Variants in MYO16 observed in about 807,000 individuals in gnomAD.
MYO16 encodes the protein unconventional myosin-XVI.
MYO16 carries 94 observed loss-of-function variants against 205.3 expected under a neutral mutation model. The observed-to-expected ratio is 0.46, with a 90% confidence interval of 0.39 to 0.54. MYO16 has a LOEUF of 0.54. MYO16 is among the 20% of genes least tolerant of loss of function. MYO16 has a pLI of 0.00. For missense variants in MYO16, 2,315 were observed against 2,387.5 expected (o/e 0.97, Z 0.63); for synonymous variants, 988 against 954.0 (o/e 1.04, Z -0.66).
the MYO16 span, among the ~76,000 whole-genome samples, chr13:108,499,822 T>C: frequency 2.6e-5 from 4 of 152,240 alleles, no homozygotes; most frequent in African/African-American, 9.6e-5. Context: ...GACTTGTTCT[T>C]TGTAATTTCT....
chr13:108,836,449 C>T (rs388175), intron 9 of MYO16, among the ~76,000 whole-genome samples: 2,130 of 152,336 alleles, frequency 0.014, 59 homozygotes, highest in African/African-American at 0.048. Flanking sequence ...GGAGCCTCCA[C>T]ACAGAGTCCC....
In MYO16 at chr13:108,919,746, G is replaced by C. The variant is rs943653178; in HGVS notation, c.1925+9596G>C. Reference sequence around the variant, plus strand: ...GAGTAAATAAAATTATGAATTTAAGGCATGTTGGTCTACGTCCTTGATTGC... The same window carrying C: ...GAGTAAATAAAATTATGAATTTAAGCCATGTTGGTCTACGTCCTTGATTGC... On this transcript the variant is annotated intron_variant, in intron 16 of 34. Coordinates refer to ENST00000457511, the MANE Select transcript of MYO16 (RefSeq NM_001198950.3). Among the ~76,000 whole-genome samples the C allele has an allele frequency of 2.0e-5, 3 of 152,144 alleles. No homozygotes were observed. The South Asian group carries it at 6.2e-4, about 32-fold the overall frequency.
chr13:108,789,166 C>T (rs1224861085), intron 5 of MYO16, among the ~76,000 whole-genome samples: 1 of 152,136 alleles, frequency 6.6e-6, no homozygotes, highest in Non-Finnish European at 1.5e-5. Context: ...GTGTTATTGT[C>T]CTTTCACTGT....
At chr13:108,659,309 A>G (rs569616854) in intron 1 of MYO16, 3 of 270,994 alleles carry the variant, frequency 1.1e-5, no homozygotes, top group African/African-American at 2.3e-5. Context: ...TTATATACAT[A>G]TATAATACAC....
At chr13:108,496,663 C>T in the MYO16 span, among the ~76,000 whole-genome samples, 2 of 152,168 alleles carry the variant, frequency 1.3e-5, no homozygotes, top group African/African-American at 2.4e-5. Flanking sequence ...GAAATGGAGA[C>T]GATTTCCGTC....
chr13:108,583,545 T>A, the MYO16 span, among the ~76,000 whole-genome samples: 1 of 152,196 alleles, frequency 6.6e-6, no homozygotes, highest in Non-Finnish European at 1.5e-5. Flanking sequence ...TATAATCCAG[T>A]GATATACTAT....
chr13:108,970,120 AT>A (rs1173411632), intron 20 of MYO16, among the ~76,000 whole-genome samples: 2 of 152,220 alleles, frequency 1.3e-5, no homozygotes, highest in South Asian at 2.1e-4. Flanking sequence ...ATTATGGATA[AT>A]ATTATGGTGG....
At chr13:108,498,725 A>C in the MYO16 span, among the ~76,000 whole-genome samples, 1 of 152,222 alleles carries the variant, frequency 6.6e-6, no homozygotes, top group Admixed American at 6.5e-5. Context: ...CCACTGAGGC[A>C]AGGAAGGACA....
At chr13:108,858,864 CACCCT>C (rs1217423486) in intron 11 of MYO16, among the ~76,000 whole-genome samples, 1 of 152,146 alleles carries the variant, frequency 6.6e-6, no homozygotes, top group Non-Finnish European at 1.5e-5. Context: ...CAGATGCTGG[CACCCT>C]ACCCTGGGTG....
intron 14 of MYO16, among the ~76,000 whole-genome samples, chr13:108,895,035 C>T (rs909211653): frequency 2.0e-5 from 3 of 152,092 alleles, no homozygotes; most frequent in Admixed American, 6.6e-5. Flanking sequence ...ATTCACTATG[C>T]AATAGCTTTC....
upstream of MYO16, among the ~76,000 whole-genome samples, chr13:108,593,133 T>A (rs889731056): frequency 6.6e-6 from 1 of 152,078 alleles, no homozygotes; most frequent in Non-Finnish European, 1.5e-5. Flanking sequence ...TTGAAAGCGA[T>A]GAGTAAATGA....
chr13:109,023,413 CAGATATAAATATATATTTATATATTA>C (rs1886189064), intron 23 of MYO16, among the ~76,000 whole-genome samples: 3 of 73,454 alleles, frequency 4.1e-5, no homozygotes, highest in Non-Finnish European at 7.0e-5. Flanking sequence ...ATATATTATA[CAGATATAAATATATATTTATATATTA>C]TACAGATATA....
intron 28 of MYO16, among the ~76,000 whole-genome samples, chr13:109,102,553 G>A (rs1594088035): frequency 6.6e-6 from 1 of 151,818 alleles, no homozygotes; most frequent in South Asian, 2.1e-4. Flanking sequence ...GTGTATGAGG[G>A]AGAGAGAGAG....
chr13:108,933,799 T>G (rs1882365158), intron 16 of MYO16, among the ~76,000 whole-genome samples: 1 of 152,156 alleles, frequency 6.6e-6, no homozygotes, highest in Admixed American at 6.5e-5. Flanking sequence ...TTGCCATTTT[T>G]ATTTCCATGA....
chr13:108,531,746 G>A, the MYO16 span, among the ~76,000 whole-genome samples: 1 of 152,062 alleles, frequency 6.6e-6, no homozygotes, highest in South Asian at 2.1e-4. Context: ...AGAAGTCACT[G>A]GCTAACAATT....
the MYO16 span, among the ~76,000 whole-genome samples, chr13:108,510,461 G>GTTTTTTTTTTTTTTTTTTTTTTTT: frequency 2.2e-5 from 1 of 45,924 alleles, no homozygotes; most frequent in African/African-American, 1.0e-4. Flanking sequence ...ATTGATAGCT[G>GTTTTTTTTTTTTTTTTTTTTTTTT]TTTTTTTTTT....
At chr13:108,631,097 G>A (rs147138502) in intron 1 of MYO16, among the ~76,000 whole-genome samples, 282 of 152,260 alleles carry the variant, frequency 1.9e-3, no homozygotes, top group African/African-American at 6.6e-3. Flanking sequence ...AACTCTTGGG[G>A]TTATTTTCTT....
intron 22 of MYO16, among the ~76,000 whole-genome samples, chr13:109,012,781 A>G (rs77170575): frequency 1.3e-3 from 138 of 106,864 alleles, no homozygotes; most frequent in South Asian, 3.4e-3. Context: ...GTGTGTGTGT[A>G]TATATATATA....
At chr13:109,132,049 C>T (rs1211822380) in intron 31 of MYO16, among the ~76,000 whole-genome samples, 5 of 152,192 alleles carry the variant, frequency 3.3e-5, no homozygotes, top group Non-Finnish European at 7.4e-5. Flanking sequence ...AGCAAAGTTA[C>T]ATGCATATAA....
Sources: allele counts gnomAD v4.1 joint callset (sites outside exome capture counted in the v4.1 genomes callset), GRCh38; gene constraint gnomAD v4.1.1; transcripts MANE v1.5; gene names NCBI Gene and HGNC (gene_info 2026-07-23, HGNC 2026-07-21).